Variants in KCNK3 observed in about 807,000 individuals in gnomAD.
KCNK3 encodes the protein potassium channel subfamily K member 3.
Under a neutral mutation model 27.3 loss-of-function variants are expected in KCNK3, and 9 were observed. That is an observed-to-expected ratio of 0.33 (90% CI 0.20 to 0.57). KCNK3 has a LOEUF of 0.57. Among genes scored for constraint, KCNK3 ranks in the 20% least tolerant of loss-of-function variants. The pLI, the probability that KCNK3 is intolerant of heterozygous loss-of-function variation, is 0.87. For synonymous variants in KCNK3, 278 were observed against 273.8 expected (o/e 1.02, Z -0.15); for missense variants, 391 against 577.7 (o/e 0.68, Z 3.31).
chr2:26,717,866 C>G (rs904103314), intron 1 of KCNK3, among the ~76,000 whole-genome samples: 1 of 152,200 alleles, frequency 6.6e-6, no homozygotes, highest in Non-Finnish European at 1.5e-5. Flanking sequence ...GCCTCCCTCT[C>G]CCTCAGTCAT....
intron 1 of KCNK3, among the ~76,000 whole-genome samples, chr2:26,699,810 G>T (rs1670285091): frequency 6.6e-6 from 1 of 152,170 alleles, no homozygotes; most frequent in Non-Finnish European, 1.5e-5. Flanking sequence ...ACGGCAGGCG[G>T]CATCATCCTG....
chr2:26,711,704 A>C (rs968164230), intron 1 of KCNK3, among the ~76,000 whole-genome samples: 6 of 152,252 alleles, frequency 3.9e-5, no homozygotes, highest in Non-Finnish European at 8.8e-5. Flanking sequence ...CAACGTACAT[A>C]TATTAGCTCG....
chr2:26,707,676 G>A (rs1401271487), intron 1 of KCNK3, among the ~76,000 whole-genome samples: 1 of 152,218 alleles, frequency 6.6e-6, no homozygotes, highest in East Asian at 1.9e-4. Context: ...GGGTGCTGCT[G>A]ATGGTCCGCA....
rs140034048 is a variant in KCNK3 at position 26,696,867 on chromosome 2, C to T, written c.283+3709C>T. ...CAGAGGGTAGCAAAAACCTAACCCCCAGTCCCCTACTCCTTCTACTTGTTC... is the reference window on the plus strand; with the variant it reads ...CAGAGGGTAGCAAAAACCTAACCCCTAGTCCCCTACTCCTTCTACTTGTTC... On this transcript the variant is annotated intron_variant, in intron 1 of 1. Coordinates refer to ENST00000302909, the MANE Select transcript of KCNK3 (RefSeq NM_002246.3). Among the ~76,000 whole-genome samples, 666 of 152,282 alleles carry T rather than the reference C, an allele frequency of 4.4e-3. 7 individuals carry two copies. Among genetic ancestry groups the T allele is most frequent in the African/African-American group, 0.015 (634 of 41,540 alleles).
intron 1 of KCNK3, among the ~76,000 whole-genome samples, chr2:26,706,293 C>T (rs1468557743): frequency 7.0e-6 from 1 of 143,038 alleles, no homozygotes; most frequent in Non-Finnish European, 1.6e-5. Context: ...CGTTTCCCCT[C>T]CCCCCCAGAG....
intron 1 of KCNK3, among the ~76,000 whole-genome samples, chr2:26,716,374 A>G (rs1226540117): frequency 6.6e-6 from 1 of 152,192 alleles, no homozygotes; most frequent in Admixed American, 6.5e-5. Flanking sequence ...AGGGATTATT[A>G]TTCTAGAACT....
Position 26,693,012 on chromosome 2 carries a change from A to G in KCNK3, c.137A>G (p.Gln46Arg), listed in dbSNP as rs1472668580. The G allele has an allele frequency of 3.2e-6, 5 of 1,581,968 alleles. No individual in the cohort carries two copies. The highest frequency in any genetic ancestry group is 4.3e-6 in the Non-Finnish European group (5 of 1,169,574). ...IERQRLELRQ[Q>R]ELRARYNLSQ... ...CGGCAGCGGCTGGAGCTGCGGCAGCAGGAGCTGCGGGCGCGCTACAACCTC... is the reference window on the plus strand; with the variant it reads ...CGGCAGCGGCTGGAGCTGCGGCAGCGGGAGCTGCGGGCGCGCTACAACCTC... The change falls in exon 1 of 2, where the codon CAG (glutamine) becomes CGG (arginine). Residue 46 changes from glutamine to arginine, a missense_variant. Coordinates refer to ENST00000302909, the MANE Select transcript of KCNK3 (RefSeq NM_002246.3). This position sits in a 1 kb window ranked among gnomAD's most constrained non-coding sequence, Gnocchi z 5.5.
At chr2:26,726,504 T>A (rs989564345) in intron 1 of KCNK3, among the ~76,000 whole-genome samples, 13 of 152,222 alleles carry the variant, frequency 8.5e-5, no homozygotes, top group Non-Finnish European at 1.6e-4. Flanking sequence ...CAGCGTCATT[T>A]TATTATCATA....
chr2:26,715,336 T>C (rs1032722734), intron 1 of KCNK3, among the ~76,000 whole-genome samples: 3 of 152,250 alleles, frequency 2.0e-5, no homozygotes, highest in African/African-American at 7.2e-5. Flanking sequence ...ATGTGAGTTT[T>C]ATTATTACTA....
At position 26,693,255 on chromosome 2, in the gene KCNK3, CGA is replaced by C. The variant is rs1670193453; in HGVS notation, c.283+101_283+102del. 1.7e-6 allele frequency: 2 copies of C among 1,183,166 alleles called. No homozygotes were observed. The highest frequency in any genetic ancestry group is 6.1e-5 in the East Asian group (2 of 32,862). The allele number at this position is 1,183,166 out of a possible 1,614,324, so 73.3% of individuals were successfully genotyped here. A position where few individuals can be genotyped will look rare whatever the true frequency, so the allele number is the denominator to read the frequency against. ...CTGGGGCTGGGGGCGGGGGCTCCCC[CGA>C]GAGGGGCTGGGCGCCGAACCCTGCG... On this transcript the variant is annotated intron_variant, in intron 1 of 1. Coordinates refer to ENST00000302909, the MANE Select transcript of KCNK3 (RefSeq NM_002246.3). This position sits in a 1 kb window ranked among gnomAD's most constrained non-coding sequence, Gnocchi z 5.5.
chr2:26,701,145 G>A lies in KCNK3; in HGVS notation c.283+7987G>A, dbSNP rs192930998. Among the ~76,000 whole-genome samples the A allele has an allele frequency of 1.8e-4, 27 of 152,302 alleles. No homozygotes were observed. In the East Asian group the frequency reaches 4.8e-3, roughly 27 times the overall value. On this transcript the variant is annotated intron_variant, in intron 1 of 1. Transcript: ENST00000302909. ...AAGGCTCTAAAGAACCTGGAGACCT[G>A]ACATCTGGGAATAGCCATGAGATGT...
intron 1 of KCNK3, among the ~76,000 whole-genome samples, chr2:26,714,582 C>T (rs1034303236): frequency 1.7e-4 from 10 of 59,248 alleles, no homozygotes; most frequent in Admixed American, 7.4e-4. Context: ...TTTTCCAGAA[C>T]AACCTTAAGA....
intron 1 of KCNK3, among the ~76,000 whole-genome samples, chr2:26,705,277 C>T (rs1670358820): frequency 6.6e-6 from 1 of 152,142 alleles, no homozygotes; most frequent in Non-Finnish European, 1.5e-5. Context: ...GTATTATTAT[C>T]CCCATTTTAC....
Position 26,729,003 on chromosome 2 carries a change from G to A in KCNK3, c.*435G>A, listed in dbSNP as rs537854409. On this transcript the variant is annotated 3_prime_UTR_variant, in exon 2 of 2. Transcript: ENST00000302909. ...ACCTTCCCTTGGTTCCAAAAGCCAGGGTGTCTATGTCCAAGTCACCCCTAC... is the reference window on the plus strand; with the variant it reads ...ACCTTCCCTTGGTTCCAAAAGCCAGAGTGTCTATGTCCAAGTCACCCCTAC... The A allele has an allele frequency of 1.3e-4, 21 of 160,200 alleles. No individual in the cohort carries two copies. The highest frequency in any genetic ancestry group is 2.2e-4 in the Non-Finnish European group (16 of 73,814). 9.9% of individuals were successfully genotyped at this position (160,200 alleles called of 1,614,324 possible).
chr2:26,716,899 A>C (rs1455187112), intron 1 of KCNK3, among the ~76,000 whole-genome samples: 1 of 152,232 alleles, frequency 6.6e-6, no homozygotes, highest in Non-Finnish European at 1.5e-5. Context: ...TAGGCTTAGC[A>C]AACTAGGGAC....
chr2:26,711,862 G>A (rs1023437745), intron 1 of KCNK3, among the ~76,000 whole-genome samples: 4 of 152,120 alleles, frequency 2.6e-5, no homozygotes, highest in African/African-American at 7.2e-5. Flanking sequence ...ATTCCATATC[G>A]GGGCTGGGGG....
intron 1 of KCNK3, 100 bp from the exon 2 acceptor site, chr2:26,727,567 A>C (rs1312733837): frequency 6.8e-7 from 1 of 1,471,382 alleles, no homozygotes; most frequent in Non-Finnish European, 9.1e-7. Flanking sequence ...CAGACCCACA[A>C]GGTGGGGGAG....
rs2148040291 is a variant in KCNK3, at chr2:26,730,349, G to A, written c.*1781G>A. On this transcript the variant is annotated 3_prime_UTR_variant, in exon 2 of 2. Transcript: ENST00000302909. Reference sequence around the variant, plus strand: ...CACCCTTCCCAGGTGGGGGAGTTTGGACCAGAGGTGCCCTCTGCCCACCAC... The same window carrying A: ...CACCCTTCCCAGGTGGGGGAGTTTGAACCAGAGGTGCCCTCTGCCCACCAC... 1 of 152,390 alleles carries A rather than the reference G, an allele frequency of 6.6e-6. No individual in the cohort carries two copies. The highest frequency in any genetic ancestry group is 2.1e-4 in the South Asian group (1 of 4,830). The allele number at this position is 152,390 out of a possible 1,614,324, so 9.4% of individuals were successfully genotyped here. A position where few individuals can be genotyped will look rare whatever the true frequency, so the allele number is the denominator to read the frequency against.
intron 1 of KCNK3, among the ~76,000 whole-genome samples, chr2:26,715,074 T>A (rs1663204554): frequency 6.6e-6 from 1 of 152,192 alleles, no homozygotes; most frequent in Admixed American, 6.5e-5. Flanking sequence ...GGCACCTGCC[T>A]TCTGGCATGC....
Sources: gnomAD v4.1 joint callset for allele counts (sites outside exome capture counted in the v4.1 genomes callset) on GRCh38, gnomAD v4.1.1 for gene constraint, Gnocchi (gnomAD v3.1) non-coding constraint, MANE v1.5 for transcripts, NCBI Gene and HGNC (gene_info 2026-07-23, HGNC 2026-07-21) for gene names.